The following NBPF19 variants were observed in gnomAD, a reference collection of about 807,000 sequenced individuals.
NBPF19 encodes NBPF member 19, also known as NBPF family member NBPF19.
NBPF19 carries 30 observed loss-of-function variants against 45.9 expected under a neutral mutation model. That is an observed-to-expected ratio of 0.65 (90% CI 0.49 to 0.89). The LOEUF is 0.89. Among genes scored for constraint, NBPF19 ranks in the 40% least tolerant of loss-of-function variants. NBPF19 has a pLI of 0.00. For synonymous variants in NBPF19, 183 were observed against 181.2 expected (o/e 1.01, Z -0.08); for missense variants, 495 against 471.8 (o/e 1.05, Z -0.46).
chr1:149,486,511 C>G (rs1431919549), intron 8 of NBPF19, among the ~76,000 whole-genome samples: 2 of 151,284 alleles, frequency 1.3e-5, no homozygotes, highest in African/African-American at 2.4e-5. Context: ...CAGGCCATGC[C>G]TGTGCCAACC....
At chr1:149,487,441 C>T in intron 9 of NBPF19, 58 bp downstream of exon 9, 1 of 931,656 alleles carries the variant, frequency 1.1e-6, no homozygotes, top group Non-Finnish European at 1.7e-6. Flanking sequence ...GATGCCAAGT[C>T]CAGGGAAAAC....
At chr1:149,484,397 A>T (rs1324931064) in intron 7 of NBPF19, among the ~76,000 whole-genome samples, 1 of 140,700 alleles carries the variant, frequency 7.1e-6, no homozygotes, top group East Asian at 2.3e-4. Flanking sequence ...ACCTAATGCT[A>T]AATGATGAGT....
intron 5 of NBPF19, among the ~76,000 whole-genome samples, chr1:149,480,477 G>T (rs2085114359): frequency 7.1e-6 from 1 of 141,002 alleles, no homozygotes; most frequent in African/African-American, 2.6e-5. Flanking sequence ...AACAGCAGCT[G>T]CTCTCTTCCT....
rs1376487718 is a variant in NBPF19 at position 149,487,771 on chromosome 1, C to T, written c.1041-242C>T. On this transcript the variant is annotated intron_variant, in intron 9 of 93. Transcript: ENST00000651566. Reference sequence around the variant, plus strand: ...TGTCACCTGACCAATTGACTGAGCTCGCTCTGTGTGTGTGTGTGTGTGTGT... The same window carrying T: ...TGTCACCTGACCAATTGACTGAGCTTGCTCTGTGTGTGTGTGTGTGTGTGT... Among the ~76,000 whole-genome samples, 145 of 138,502 alleles carry T rather than the reference C, an allele frequency of 1.0e-3. 2 individuals are homozygous for T. Among genetic ancestry groups the T allele is most frequent in the African/African-American group, 3.4e-3 (124 of 36,628 alleles). 90.9% of individuals were successfully genotyped at this position (138,502 alleles called of 152,430 possible).
Position 149,486,230 on chromosome 1 carries a change from T to G in NBPF19, c.925T>G (p.Ser309Ala). 3 of 546,172 alleles carry G rather than the reference T, an allele frequency of 5.5e-6. No individual in the cohort carries two copies. Among genetic ancestry groups the G allele is most frequent in the Non-Finnish European group, 9.5e-6 (3 of 315,690 alleles). 33.8% of individuals were successfully genotyped at this position (546,172 alleles called of 1,614,324 possible). Residue 309 changes from serine to alanine, a missense_variant, in exon 8 of 94, where the codon TCT becomes GCT. Ser to Ala is a moderately conservative substitution (Grantham distance 99). Coordinates refer to ENST00000651566, the MANE Select transcript of NBPF19 (RefSeq NM_001351365.2). Reference sequence around the variant, plus strand: ...TCCTGAAATGTTGGCCTCGTACCAGTCTTACAGCAGCACATTTCACTCATT... The same window carrying G: ...TCCTGAAATGTTGGCCTCGTACCAGGCTTACAGCAGCACATTTCACTCATT... ...IPPEMLASYQ[S>A]YSSTFHSLEE...
rs2087183269 is a variant in NBPF19 at position 149,554,444 on chromosome 1, G to C, written c.11289-51G>C. The C allele has an allele frequency of 2.6e-5, 41 of 1,607,748 alleles. 2 individuals carry two copies. The highest frequency in any genetic ancestry group is 3.2e-5 in the Non-Finnish European group (38 of 1,176,600). ...GACTTCTGAAATCTAGTGGGGCTCT[G>C]TGGTGTCTGATTTTCCCTGGCTGCT... On this transcript the variant is annotated intron_variant, in intron 93 of 93. Transcript: ENST00000651566.
intron 9 of NBPF19, among the ~76,000 whole-genome samples, 175 bp from the exon 10 acceptor site, chr1:149,487,838 C>T (rs1404987195): frequency 7.0e-6 from 1 of 142,326 alleles, no homozygotes; most frequent in East Asian, 2.1e-4. Context: ...TCTCGTTCAT[C>T]CTTTTCTACC....
rs2087243842 is a variant in NBPF19, at chr1:149,556,125, T to C, written c.*1387T>C. On this transcript the variant is annotated 3_prime_UTR_variant, in exon 94 of 94. Coordinates refer to ENST00000651566, the MANE Select transcript of NBPF19 (RefSeq NM_001351365.2). Reference sequence around the variant, plus strand: ...ATATCTCTACGCTGCAAAATTTGGGTCTCAATTTTTACTGTGCCTTTGTTT... The same window carrying C: ...ATATCTCTACGCTGCAAAATTTGGGCCTCAATTTTTACTGTGCCTTTGTTT... 1 of 147,954 alleles carries C rather than the reference T, an allele frequency of 6.8e-6. No individual in the cohort carries two copies. Among genetic ancestry groups the C allele is most frequent in the African/African-American group, 2.5e-5 (1 of 40,024 alleles). The allele number at this position is 147,954 out of a possible 1,614,324, so 9.2% of individuals were successfully genotyped here.
Position 149,494,474 on chromosome 1 carries a change from G to A in NBPF19, c.2154G>A (p.Leu718=). ...VYSLEEQYLG[L]ALDVDRIKKD... is the part of the protein sequence containing the mutation. ...CATTGGAGGAACAGTACCTTGGCTT[G>A]GCTCTTGACGTGGACAGTGAGTACC... The change falls in exon 18 of 94, where the codon TTG becomes TTA. Residue 718 remains leucine (L), a synonymous_variant. Coordinates refer to ENST00000651566, the MANE Select transcript of NBPF19 (RefSeq NM_001351365.2). 4.4e-6 allele frequency: 1 copy of A among 225,422 alleles called. No individual in the cohort carries two copies. Among genetic ancestry groups the A allele is most frequent in the South Asian group, 2.6e-5 (1 of 38,612 alleles). 14.0% of individuals were successfully genotyped at this position (225,422 alleles called of 1,614,324 possible).
rs1467330957 is a variant in NBPF19, at chr1:149,554,378, A to T, written c.11289-117A>T. 2.5e-6 allele frequency: 4 copies of T among 1,586,000 alleles called. No individual in the cohort carries two copies. The African/African-American group carries it at 5.5e-5, about 22-fold the overall frequency. On this transcript the variant is annotated intron_variant, in intron 93 of 93. Coordinates refer to ENST00000651566, the MANE Select transcript of NBPF19 (RefSeq NM_001351365.2). ...AATAAATTTTTTTTTTTACCTCATT[A>T]ATGGATCTATCCTTTTTCTTTTCTA... is the stretch of plus-strand genomic sequence containing the variant.
At position 149,491,155 on chromosome 1, in the gene NBPF19, G is replaced by C. The variant is rs1287120765; in HGVS notation, c.1507G>C (p.Val503Leu). ...CTTTTCCAGGCTCAGCAGGGAGCTG[G>C]TGGAGGTAGTAGAGCCTGAAGTCTT... ...PPCPRLSREL[V>L]EVVEPEVLQD... The change falls in exon 14 of 94, where the codon GTG (valine) becomes CTG (leucine). Residue 503 changes from valine (V) to leucine (L), a missense_variant. Val to Leu is a conservative substitution (Grantham distance 32). This residue lies in a region of NBPF19 where 146 missense variants were observed against 67.3 expected (regional missense o/e 2.17). Transcript: ENST00000651566. 0.1 allele frequency: 25,698 copies of C among 255,556 alleles called. 1,317 individuals are homozygous for C. Among genetic ancestry groups the C allele is most frequent in the Admixed American group, 0.19 (2,497 of 13,068 alleles). The allele number at this position is 255,556 out of a possible 1,614,324, so 15.8% of individuals were successfully genotyped here.
intron 7 of NBPF19, among the ~76,000 whole-genome samples, chr1:149,484,544 AC>A (rs1414033461): frequency 2.1e-5 from 3 of 144,552 alleles, no homozygotes; most frequent in Non-Finnish European, 4.5e-5. Flanking sequence ...ATAAAGGAAA[AC>A]TATACATATG....
At position 149,555,027 on chromosome 1, in the gene NBPF19, C is replaced by T. The variant is rs1343332056; in HGVS notation, c.*289C>T. 10 of 503,484 alleles carry T rather than the reference C, an allele frequency of 2.0e-5. No individual in the cohort carries two copies. Among genetic ancestry groups the T allele is most frequent in the Non-Finnish European group, 3.1e-5 (9 of 289,482 alleles). 31.2% of individuals were successfully genotyped at this position (503,484 alleles called of 1,614,324 possible). A position where few individuals can be genotyped will look rare whatever the true frequency, so the allele number is the denominator to read the frequency against. Reference sequence around the variant, plus strand: ...ATCTTTGGGTAGCTACAAAATTCCTCAGGGATTTCATTTTGCAGGCATGTC... The same window carrying T: ...ATCTTTGGGTAGCTACAAAATTCCTTAGGGATTTCATTTTGCAGGCATGTC... On this transcript the variant is annotated 3_prime_UTR_variant, in exon 94 of 94. Coordinates refer to ENST00000651566, the MANE Select transcript of NBPF19 (RefSeq NM_001351365.2).
intron 13 of NBPF19, among the ~76,000 whole-genome samples, chr1:149,490,881 G>A (rs1451121647): frequency 1.7e-5 from 2 of 120,568 alleles, no homozygotes; most frequent in Non-Finnish European, 3.4e-5. Context: ...CACTGAGCTC[G>A]TTCTCTCTCT....
In NBPF19 at chr1:149,487,982, G is replaced by A. The variant is rs1228921016; in HGVS notation, c.1041-31G>A. 209 of 691,546 alleles carry A rather than the reference G, an allele frequency of 3.0e-4. No individual in the cohort carries two copies. The South Asian group carries it at 3.1e-3, about 10-fold the overall frequency. The allele number at this position is 691,546 out of a possible 1,614,324, so 42.8% of individuals were successfully genotyped here. ...GCTGTGTGGTTTCTGATTCCCCCTG[G>A]CTTATTCTTTACTTTTTCCCACTTT... On this transcript the variant is annotated intron_variant, in intron 9 of 93. Coordinates refer to ENST00000651566, the MANE Select transcript of NBPF19 (RefSeq NM_001351365.2).
intron 9 of NBPF19, 63 bp from the exon 10 acceptor site, chr1:149,487,950 A>C: frequency 1.4e-6 from 1 of 707,424 alleles, no homozygotes; most frequent in Admixed American, 2.0e-5. Flanking sequence ...CATGAAATCT[A>C]GCTGGGGCTG....
At position 149,554,496 on chromosome 1, in the gene NBPF19, C is replaced by T; in HGVS notation, c.11290C>T (p.Leu3764Phe). The stretch of plus-strand genomic sequence containing the variant: ...CTTTAGTTTTGTCTCCTTTTCCAGG[C>T]TCAACAGCGTGCTGATGGAAGTGGA... ...EEDQNPPCPR[L>F]NSVLMEVEEP... The change falls in exon 94 of 94, where the codon CTC (leucine) becomes TTC (phenylalanine). Residue 3764 changes from leucine to phenylalanine, a missense_variant and splice_region_variant. Physicochemically the swap from Leu to Phe is conservative, Grantham distance 22. Around this residue, in one of 8 missense-constraint regions of NBPF19, gnomAD observed 248 missense variants for 95.4 expected, o/e 2.60. Coordinates refer to ENST00000651566, the MANE Select transcript of NBPF19 (RefSeq NM_001351365.2). The T allele has an allele frequency of 6.2e-7, 1 of 1,608,128 alleles. No homozygotes were observed. The highest frequency in any genetic ancestry group is 8.5e-7 in the Non-Finnish European group (1 of 1,176,700).
At chr1:149,482,696 A>G (rs1470633798) in intron 7 of NBPF19, among the ~76,000 whole-genome samples, 1 of 151,856 alleles carries the variant, frequency 6.6e-6, no homozygotes, top group Non-Finnish European at 1.5e-5. Context: ...CCCTCTACAC[A>G]TTGCTTTAAA....
In NBPF19 at chr1:149,487,653, G is replaced by A. The variant is rs1192386248; in HGVS notation, c.1040+270G>A. Among the ~76,000 whole-genome samples, 4 of 150,234 alleles carry A rather than the reference G, an allele frequency of 2.7e-5. 1 individual carries two copies. The highest frequency in any genetic ancestry group is 5.9e-5 in the Non-Finnish European group (4 of 67,294). Reference sequence around the variant, plus strand: ...GCAGGGAAACTTGAGCACATTTTATGCAAAATTATTGAGGACATGCTTTTC... The same window carrying A: ...GCAGGGAAACTTGAGCACATTTTATACAAAATTATTGAGGACATGCTTTTC... On this transcript the variant is annotated intron_variant, in intron 9 of 93. Coordinates refer to ENST00000651566, the MANE Select transcript of NBPF19 (RefSeq NM_001351365.2).
Sources: allele counts gnomAD v4.1 joint callset (sites outside exome capture counted in the v4.1 genomes callset), GRCh38; gene constraint gnomAD v4.1.1; regional missense constraint gnomAD v4.1.1; transcripts MANE v1.5; gene names NCBI Gene and HGNC (gene_info 2026-07-23, HGNC 2026-07-21).